Variants in ITCH observed in about 807,000 individuals in gnomAD.
ITCH encodes E3 ubiquitin-protein ligase Itchy homolog.
In ITCH, 28 loss-of-function variants were observed where a neutral mutation model predicts 126.8. The observed-to-expected ratio is 0.22, with a 90% CI of 0.16 to 0.30. ITCH has a LOEUF of 0.30. Ranked by LOEUF, ITCH falls within the 10% of genes least tolerant of loss-of-function variation. ITCH has a pLI of 1.00. For synonymous variants in ITCH, 342 were observed against 340.0 expected (o/e 1.01, Z -0.06); for missense variants, 631 against 1,032.4 (o/e 0.61, Z 5.33).
intron 6 of ITCH, 108 bp downstream of exon 6, chr20:34,413,987 G>T: frequency 1.0e-6 from 1 of 988,652 alleles, no homozygotes; most frequent in Non-Finnish European, 1.5e-6. Context: ...TTAATAAAAT[G>T]TTTTTTTCTG....
chr20:34,452,480 G>C (rs1314397146), intron 12 of ITCH, among the ~76,000 whole-genome samples: 1 of 152,200 alleles, frequency 6.6e-6, no homozygotes, highest in African/African-American at 2.4e-5. Flanking sequence ...ACTGCTTTAT[G>C]ACTTGCTGCC....
At chr20:34,490,469 G>A (rs1005653013) in intron 22 of ITCH, among the ~76,000 whole-genome samples, 17 of 152,262 alleles carry the variant, frequency 1.1e-4, no homozygotes, top group Non-Finnish European at 2.1e-4. Flanking sequence ...AGGAGATCAA[G>A]ACCGTCCTGG....
chr20:34,429,249 C>A (rs1981962063), intron 7 of ITCH, among the ~76,000 whole-genome samples: 1 of 152,108 alleles, frequency 6.6e-6, no homozygotes, highest in Non-Finnish European at 1.5e-5. Context: ...CAGCTAATTG[C>A]TTTTCAAAGC....
At chr20:34,499,118 G>A (rs573752243) in intron 23 of ITCH, among the ~76,000 whole-genome samples, 1 of 151,628 alleles carries the variant, frequency 6.6e-6, no homozygotes, top group African/African-American at 2.4e-5. Context: ...GGGACTACAG[G>A]CGCCTGCCAC....
At chr20:34,401,980 G>A (rs1056748813) in intron 3 of ITCH, among the ~76,000 whole-genome samples, 2 of 152,070 alleles carry the variant, frequency 1.3e-5, no homozygotes, top group African/African-American at 2.4e-5. Flanking sequence ...ACGGGGGGGC[G>A]GCGCATAGCT....
At chr20:34,393,062 TC>T (rs2038542786) in intron 2 of ITCH, among the ~76,000 whole-genome samples, 1 of 152,192 alleles carries the variant, frequency 6.6e-6, no homozygotes, top group Admixed American at 6.5e-5. Flanking sequence ...CATTTTGTGA[TC>T]CACCCCACCC....
intron 2 of ITCH, among the ~76,000 whole-genome samples, chr20:34,380,151 C>T (rs2038002731): frequency 1.3e-5 from 2 of 152,064 alleles, no homozygotes; most frequent in African/African-American, 4.8e-5. Flanking sequence ...GGATTACAGC[C>T]GTGAGCCACT....
At chr20:34,403,726 T>G (rs1239621658) in intron 3 of ITCH, among the ~76,000 whole-genome samples, 1 of 152,166 alleles carries the variant, frequency 6.6e-6, no homozygotes, top group African/African-American at 2.4e-5. Context: ...ATAATTTAAC[T>G]TCTTAGGATT....
chr20:34,483,431 A>T (rs1487656145), intron 20 of ITCH, among the ~76,000 whole-genome samples: 1 of 152,160 alleles, frequency 6.6e-6, no homozygotes, highest in Non-Finnish European at 1.5e-5. Flanking sequence ...ATTCCACCAG[A>T]TACCCTAAAT....
At chr20:34,363,681 C>G (rs1054882240) in intron 1 of ITCH, among the ~76,000 whole-genome samples, 1 of 152,084 alleles carries the variant, frequency 6.6e-6, no homozygotes, top group African/African-American at 2.4e-5. Context: ...CCCCTCAGCC[C>G]CGCCTGGGGC....
At chr20:34,489,234 TC>T in intron 20 of ITCH, 31 bp from the exon 21 acceptor site, 1 of 1,605,700 alleles carries the variant, frequency 6.2e-7, no homozygotes, top group East Asian at 2.2e-5. Flanking sequence ...GATCTAAACT[TC>T]CTGATAGGTT....
At chr20:34,390,800 G>T (rs1053456948) in intron 2 of ITCH, among the ~76,000 whole-genome samples, 1 of 150,396 alleles carries the variant, frequency 6.6e-6, no homozygotes, top group African/African-American at 2.5e-5. Flanking sequence ...TGCTCCTGTT[G>T]CCCAGGCTGG....
chr20:34,496,287 C>A (rs1020937810), intron 23 of ITCH, among the ~76,000 whole-genome samples: 1 of 152,074 alleles, frequency 6.6e-6, no homozygotes, highest in African/African-American at 2.4e-5. Context: ...GCTCATATCC[C>A]ATTTTTTAAT....
chr20:34,370,105 GAAAAAA>G (rs944960345), intron 2 of ITCH, among the ~76,000 whole-genome samples: 1 of 117,736 alleles, frequency 8.5e-6, no homozygotes, highest in Non-Finnish European at 1.8e-5. Flanking sequence ...CCCTGTCTCG[GAAAAAA>G]AAAAAAAAAA....
chr20:34,490,806 A>G (rs567824028), intron 22 of ITCH, among the ~76,000 whole-genome samples: 2 of 152,342 alleles, frequency 1.3e-5, no homozygotes, highest in South Asian at 2.1e-4. Flanking sequence ...TAGAATTAAC[A>G]TAAGATCCAG....
In ITCH at chr20:34,508,661, G is replaced by A. The variant is rs1011602515; in HGVS notation, c.*867G>A. 2.6e-5 allele frequency: 4 copies of A among 152,016 alleles called. No individual in the cohort carries two copies. The highest frequency in any genetic ancestry group is 9.7e-5 in the African/African-American group (4 of 41,378). 9.4% of individuals were successfully genotyped at this position (152,016 alleles called of 1,614,324 possible). On this transcript the variant is annotated 3_prime_UTR_variant, in exon 25 of 25. Transcript: ENST00000374864. Reference sequence around the variant, plus strand: ...CCCTGTCTTTTTTTTGGGCAGCGTGGTGGGGGATAAATAAATAAAAGGAAA... The same window carrying A: ...CCCTGTCTTTTTTTTGGGCAGCGTGATGGGGGATAAATAAATAAAAGGAAA...
rs960585125 is a variant in ITCH, at chr20:34,492,601, T to C, written c.2416+4T>C. On this transcript the variant is annotated splice_donor_region_variant and intron_variant, in intron 23 of 24. Coordinates refer to ENST00000374864, the MANE Select transcript of ITCH (RefSeq NM_031483.7). ...GGAGGATTTGCTGATCTCATGGGTA[T>C]GTATACAGGATCACTTTTCCTATAC... The C allele has an allele frequency of 1.3e-6, 2 of 1,578,006 alleles. No individual in the cohort carries two copies. Among genetic ancestry groups the C allele is most frequent in the African/African-American group, 1.3e-5 (1 of 74,254 alleles).
chr20:34,476,328 C>T (rs556682736), intron 16 of ITCH: 36 of 1,185,910 alleles, frequency 3.0e-5, no homozygotes, highest in South Asian at 1.7e-4. Flanking sequence ...GCGGCCGGCT[C>T]GCCTCCGCGC....
intron 4 of ITCH, among the ~76,000 whole-genome samples, chr20:34,409,682 G>A (rs565422639): frequency 5.9e-5 from 9 of 152,032 alleles, no homozygotes; most frequent in East Asian, 3.9e-4. Context: ...CTAATGTTGC[G>A]CTATTAGGCA....
Sources: allele counts gnomAD v4.1 joint callset (sites outside exome capture counted in the v4.1 genomes callset), GRCh38; gene constraint gnomAD v4.1.1; transcripts MANE v1.5; gene names NCBI Gene and HGNC (gene_info 2026-07-23, HGNC 2026-07-21).